SELENOP: variants seen among roughly 807,000 people sequenced by gnomAD.
The protein encoded by SELENOP is selenoprotein P, plasma, 1.
In SELENOP, 36 loss-of-function variants were observed where a neutral mutation model predicts 41.0. The observed-to-expected ratio is 0.88, with a 90% confidence interval of 0.67 to 1.16. The LOEUF is 1.16. Among genes scored for constraint, SELENOP ranks in the 50% most tolerant of loss-of-function variants. The probability of loss-of-function intolerance (pLI) is 0.00; values close to 1 mark genes in which losing one functional copy is unlikely to be tolerated. For synonymous variants in SELENOP, 144 were observed against 150.8 expected (o/e 0.95, Z 0.33); for missense variants, 440 against 454.2 (o/e 0.97, Z 0.28).
chr5:42,811,763 T>C (rs1760462123), intron 1 of SELENOP, 73 bp downstream of exon 1: 1 of 152,184 alleles, frequency 6.6e-6, no homozygotes, highest in African/African-American at 2.4e-5. Context: ...AAAAAAACAA[T>C]TTATCAGACT....
At position 42,800,779 on chromosome 5, in the gene SELENOP, C is replaced by T; in HGVS notation, c.1087G>A (p.Ala363Thr). The change falls in exon 5 of 5, where the codon GCC (alanine) becomes ACC (threonine). Residue 363 changes from alanine (A) to threonine (T), a missense_variant. Transcript: ENST00000514985. ...QISQQLIPTE[A>T]SASURUKNQA... Reference sequence around the variant, plus strand: ...TTCTTTCAGCGTCAACTGGCACTGGCTTCTGTGGGTATAAGCTGCTGACTT... The same window carrying T: ...TTCTTTCAGCGTCAACTGGCACTGGTTTCTGTGGGTATAAGCTGCTGACTT... 6.2e-7 allele frequency: 1 copy of T among 1,613,858 alleles called. No individual in the cohort carries two copies. The highest frequency in any genetic ancestry group is 8.5e-7 in the Non-Finnish European group (1 of 1,179,810).
At position 42,807,109 on chromosome 5, in the gene SELENOP, C is replaced by A. The variant is rs753672905; in HGVS notation, c.204-1G>T. ...CAGTTTTACTCGCAGGTCTTCTAAT[C>A]TAAAATATTTGGGAAGAAATACATA... On this transcript the variant is annotated splice_acceptor_variant, in intron 2 of 4. Coordinates refer to ENST00000514985, the MANE Select transcript of SELENOP (RefSeq NM_005410.4). LOFTEE classifies it high-confidence loss of function. The A allele has an allele frequency of 7.2e-7, 1 of 1,394,100 alleles. No homozygotes were observed. Among genetic ancestry groups the A allele is most frequent in the Non-Finnish European group, 1.0e-6 (1 of 996,622 alleles). The allele number at this position is 1,394,100 out of a possible 1,614,324, so 86.4% of individuals were successfully genotyped here. A position where few individuals can be genotyped will look rare whatever the true frequency, so the allele number is the denominator to read the frequency against.
chr5:42,801,437 G>T, intron 4 of SELENOP, 106 bp from the exon 5 acceptor site: 1 of 813,314 alleles, frequency 1.2e-6, no homozygotes, highest in Non-Finnish European at 1.9e-6. Context: ...TAGTTAATTA[G>T]AATCGAGCTG....
chr5:42,808,645 A>G (rs1257476328), intron 1 of SELENOP, among the ~76,000 whole-genome samples: 1 of 152,008 alleles, frequency 6.6e-6, no homozygotes, highest in Non-Finnish European at 1.5e-5. Flanking sequence ...GTGGTGGCTC[A>G]CGCCTGTAAT....
In SELENOP at chr5:42,799,941, T is replaced by C; in HGVS notation, c.*779A>G. On this transcript the variant is annotated 3_prime_UTR_variant, in exon 5 of 5. Transcript: ENST00000514985. ...ATCCGTACTGTATCCAATTCTGTAC[T>C]GCATTCTTGCTTAATAGTATTAACC... 1.3e-6 allele frequency: 1 copy of C among 772,974 alleles called. No homozygotes were observed. The highest frequency in any genetic ancestry group is 2.0e-6 in the Non-Finnish European group (1 of 495,350). 47.9% of individuals were successfully genotyped at this position (772,974 alleles called of 1,614,324 possible). A position where few individuals can be genotyped will look rare whatever the true frequency, so the allele number is the denominator to read the frequency against.
In SELENOP at chr5:42,800,707, C is replaced by T. The variant is rs1455998398; in HGVS notation, c.*13G>A. 1 of 1,583,862 alleles carries T rather than the reference C, an allele frequency of 6.3e-7. No homozygotes were observed. On this transcript the variant is annotated 3_prime_UTR_variant, in exon 5 of 5. Transcript: ENST00000514985. ...TCTAGACTAAATTGGGGAGTATGTC[C>T]TATTTTAAATATTTAGTTTGAAGGT...
rs199795609 is a variant in SELENOP at position 42,810,805 on chromosome 5, CTG to C, written c.-14+1029_-14+1030del. ...TGAATGGTGAATACAAATGAAAAGACTGTTTCACTCATTTCCCTCATTTAGGT... is the reference window on the plus strand; with the variant it reads ...TGAATGGTGAATACAAATGAAAAGACTTTCACTCATTTCCCTCATTTAGGT... On this transcript the variant is annotated intron_variant, in intron 1 of 4. Coordinates refer to ENST00000514985, the MANE Select transcript of SELENOP (RefSeq NM_005410.4). The C allele has an allele frequency of 2.0e-4, 209 of 1,036,048 alleles. 3 individuals are homozygous for C. In the East Asian group the frequency reaches 0.017, roughly 83 times the overall value. The allele number at this position is 1,036,048 out of a possible 1,614,324, so 64.2% of individuals were successfully genotyped here. A position where few individuals can be genotyped will look rare whatever the true frequency, so the allele number is the denominator to read the frequency against.
At chr5:42,805,785 A>G (rs1011567747) in intron 3 of SELENOP, 5 of 152,192 alleles carry the variant, frequency 3.3e-5, no homozygotes, top group Non-Finnish European at 7.4e-5. Flanking sequence ...TTATGGGGAT[A>G]ATCAATTTTC....
chr5:42,802,590 A>T (rs1760232437), intron 4 of SELENOP, among the ~76,000 whole-genome samples: 1 of 152,136 alleles, frequency 6.6e-6, no homozygotes, highest in South Asian at 2.1e-4. Flanking sequence ...ACAAATACCT[A>T]TGGTAGTAGT....
At chr5:42,804,278 A>G (rs1177239892) in intron 4 of SELENOP, among the ~76,000 whole-genome samples, 2 of 152,098 alleles carry the variant, frequency 1.3e-5, no homozygotes, top group Non-Finnish European at 2.9e-5. Context: ...TGGCTAACAC[A>G]GTGAAACCCC....
Position 42,800,948 on chromosome 5 carries a change from A to G in SELENOP, c.918T>C (p.His306=), listed in dbSNP as rs980431185. ...CAGACCCTGTTTTTTCAAATATCAG[A>G]TGTCGACAATGGCAGCATCAGCTCC... ...APRSUCCHCR[H]LIFEKTGSAI... Residue 306 remains histidine (H), a synonymous_variant, in exon 5 of 5, where the codon CAT becomes CAC. Transcript: ENST00000514985. The G allele has an allele frequency of 1.1e-5, 17 of 1,614,112 alleles. No homozygotes were observed. The highest frequency in any genetic ancestry group is 1.3e-5 in the Non-Finnish European group (15 of 1,180,050).
rs749344352 is a variant in SELENOP at position 42,801,007 on chromosome 5, AGAGTAATT to A, written c.851_858del (p.Gln284LeufsTer?). On this transcript the variant is annotated frameshift_variant, in exon 5 of 5. Coordinates refer to ENST00000514985, the MANE Select transcript of SELENOP (RefSeq NM_005410.4). LOFTEE classifies it high-confidence loss of function. The stretch of plus-strand genomic sequence containing the variant: ...AACTCTGAATCTGTGGGCAATTTAC[AGAGTAATT>A]GATTTATACATCTCTTTCGACAGAG... 1.2e-6 allele frequency: 2 copies of A among 1,614,204 alleles called. No individual in the cohort carries two copies. The highest frequency in any genetic ancestry group is 8.5e-7 in the Non-Finnish European group (1 of 1,180,002).
intron 2 of SELENOP, chr5:42,807,407 C>A: frequency 1.1e-5 from 2 of 179,630 alleles, no homozygotes; most frequent in South Asian, 1.5e-4. Context: ...ATTCAACCAA[C>A]CACAGATAAA....
chr5:42,808,260 G>C lies in SELENOP; in HGVS notation c.94C>G (p.Pro32Ala), dbSNP rs756517793. 5.1e-6 allele frequency: 8 copies of C among 1,571,804 alleles called. No individual in the cohort carries two copies. Among genetic ancestry groups the C allele is most frequent in the Non-Finnish European group, 6.9e-6 (8 of 1,158,822 alleles). The part of the protein sequence containing the change: ...QDQSSLCKQP[P>A]AWSIRDQDPM... Reference sequence around the variant, plus strand: ...TCTTGATCTCTTATGCTCCAGGCTGGGGGTTGCTTACATAAGGAGCTTTGG... The same window carrying C: ...TCTTGATCTCTTATGCTCCAGGCTGCGGGTTGCTTACATAAGGAGCTTTGG... Residue 32 changes from proline (P) to alanine (A), a missense_variant, in exon 2 of 5, where the codon CCA becomes GCA. Pro to Ala is a conservative substitution (Grantham distance 27). Transcript: ENST00000514985.
At chr5:42,804,416 G>A (rs975004817) in intron 4 of SELENOP, among the ~76,000 whole-genome samples, 6 of 152,132 alleles carry the variant, frequency 3.9e-5, no homozygotes, top group South Asian at 2.1e-4. Context: ...AGCCGAGATC[G>A]CGCCACTGCA....
intron 4 of SELENOP, chr5:42,801,684 A>G (rs1760206864): frequency 1.4e-5 from 4 of 280,128 alleles, no homozygotes; most frequent in Admixed American, 5.1e-5. Flanking sequence ...TGGGTGGCCG[A>G]GGGGGGCAGA....
chr5:42,804,872 A>C, intron 3 of SELENOP, 99 bp from the exon 4 acceptor site: 1 of 717,556 alleles, frequency 1.4e-6, no homozygotes, highest in South Asian at 2.4e-5. Flanking sequence ...TAATGGTCAT[A>C]ACTAAGACCC....
At chr5:42,801,575 A>G (rs1339373609) in intron 4 of SELENOP, 16 of 459,052 alleles carry the variant, frequency 3.5e-5, no homozygotes, top group Non-Finnish European at 6.0e-5. Flanking sequence ...TAAACTGGCA[A>G]AAGGAACTTG....
chr5:42,807,055 T>C lies in SELENOP; in HGVS notation c.257A>G (p.Tyr86Cys). The C allele has an allele frequency of 6.4e-7, 1 of 1,559,870 alleles. No individual in the cohort carries two copies. Among genetic ancestry groups the C allele is most frequent in the South Asian group, 1.1e-5 (1 of 88,578 alleles). ...LKKEGYSNIS[Y>C]IVVNHQGISS... ...GATTCCTTGATGATTAACAACAATA[T>C]AAGAAATATTAGAATATCCTTCTTT... The change falls in exon 3 of 5, where the codon TAT becomes TGT. Residue 86 changes from tyrosine to cysteine, a missense_variant. By Grantham distance (194) the Tyr-to-Cys change is radical (BLOSUM62 -2). Coordinates refer to ENST00000514985, the MANE Select transcript of SELENOP (RefSeq NM_005410.4).
Sources: gnomAD v4.1 joint callset for allele counts (sites outside exome capture counted in the v4.1 genomes callset) on GRCh38, gnomAD v4.1.1 for gene constraint, MANE v1.5 for transcripts, NCBI Gene and HGNC (gene_info 2026-07-23, HGNC 2026-07-21) for gene names.